The following SLC25A26 variants were observed in gnomAD, a reference collection of about 807,000 sequenced individuals.
SLC25A26 encodes mitochondrial S-adenosylmethionine carrier protein.
A neutral mutation model predicts 37.8 loss-of-function variants in SLC25A26; 36 were observed. That is an observed-to-expected ratio of 0.95 (90% confidence interval 0.73 to 1.26). The LOEUF (loss-of-function observed/expected upper bound fraction) is 1.26. Ranked by LOEUF, SLC25A26 falls within the 50% of genes most tolerant of loss-of-function variation. The pLI is 0.00. For missense variants in SLC25A26, 390 were observed against 331.1 expected (o/e 1.18, Z -1.38); for synonymous variants, 129 against 122.5 (o/e 1.05, Z -0.35).
At chr3:66,244,122 T>A (rs1416026325) in intron 3 of SLC25A26, among the ~76,000 whole-genome samples, 1 of 152,186 alleles carries the variant, frequency 6.6e-6, no homozygotes, top group Non-Finnish European at 1.5e-5. Flanking sequence ...GTCAAATCTC[T>A]ATAATCCTTA....
At chr3:66,272,685 C>G (rs957798176) in intron 5 of SLC25A26, among the ~76,000 whole-genome samples, 12 of 152,134 alleles carry the variant, frequency 7.9e-5, no homozygotes, top group African/African-American at 2.9e-4. Flanking sequence ...TTTGCATGCA[C>G]TGATGTTTGA....
At chr3:66,376,073 C>A (rs953672813) in intron 9 of SLC25A26, among the ~76,000 whole-genome samples, 4 of 148,990 alleles carry the variant, frequency 2.7e-5, no homozygotes, top group Non-Finnish European at 5.9e-5. Flanking sequence ...CTGGAAATGG[C>A]AAGACCACCG....
At chr3:66,205,658 T>C (rs2071166815) in intron 1 of SLC25A26, among the ~76,000 whole-genome samples, 1 of 152,240 alleles carries the variant, frequency 6.6e-6, no homozygotes, top group African/African-American at 2.4e-5. Context: ...GTTTGAAGTA[T>C]GAGAACTCAC....
intron 2 of SLC25A26, among the ~76,000 whole-genome samples, chr3:66,242,591 T>C (rs1036804625): frequency 1.3e-5 from 2 of 152,212 alleles, no homozygotes; most frequent in Non-Finnish European, 2.9e-5. Flanking sequence ...CATTTTTTGG[T>C]TAACAGTACA....
At chr3:66,288,866 G>A (rs2074605882) in intron 5 of SLC25A26, among the ~76,000 whole-genome samples, 1 of 152,110 alleles carries the variant, frequency 6.6e-6, no homozygotes, top group African/African-American at 2.4e-5. Context: ...TGGGTCAAAT[G>A]GTATTTCTGG....
At chr3:66,207,384 C>T (rs2071195472) in intron 1 of SLC25A26, among the ~76,000 whole-genome samples, 2 of 152,270 alleles carry the variant, frequency 1.3e-5, no homozygotes, top group South Asian at 2.1e-4. Flanking sequence ...TAACCATCCA[C>T]ATATATCTTA....
upstream of SLC25A26, among the ~76,000 whole-genome samples, chr3:66,217,648 A>G (rs1372950859): frequency 6.6e-6 from 1 of 151,904 alleles, no homozygotes; most frequent in Non-Finnish European, 1.5e-5. Context: ...GCTCGGGTTC[A>G]AGCGATTCTC....
At position 66,172,410 on chromosome 3, in the gene SLC25A26, GAAAAAAA is replaced by G. The variant is rs1199322248; in HGVS notation, c.-354+38440_-354+38446del. ...TGGGCCAGAGAGTGATACCTGTAAAGAAAAAAAAAAAAAAAAAAAAGGAAAAGAAAGA... is the reference window on the plus strand; with the variant it reads ...TGGGCCAGAGAGTGATACCTGTAAAGAAAAAAAAAAAAAGGAAAAGAAAGA... On this transcript the variant is annotated intron_variant, in intron 1 of 10. Transcript: ENST00000676754. Among the ~76,000 whole-genome samples the G allele has an allele frequency of 2.3e-4, 17 of 75,180 alleles. 1 individual carries two copies. Among genetic ancestry groups the G allele is most frequent in the East Asian group, 4.5e-4 (1 of 2,228 alleles). The allele number at this position is 75,180 out of a possible 152,430, so 49.3% of individuals were successfully genotyped here. A position where few individuals can be genotyped will look rare whatever the true frequency, so the allele number is the denominator to read the frequency against.
At chr3:66,189,077 G>T (rs1190310541) in intron 1 of SLC25A26, among the ~76,000 whole-genome samples, 3 of 152,050 alleles carry the variant, frequency 2.0e-5, no homozygotes, top group Admixed American at 2.0e-4. Flanking sequence ...CTGTGCCTGT[G>T]CCTCATCTTC....
At chr3:66,234,476 A>T (rs574533578) in intron 1 of SLC25A26, among the ~76,000 whole-genome samples, 1 of 152,246 alleles carries the variant, frequency 6.6e-6, no homozygotes, top group South Asian at 2.1e-4. Flanking sequence ...ACGTCTTCTT[A>T]GGTAATTTGC....
chr3:66,280,431 C>T (rs1434003451), intron 5 of SLC25A26, among the ~76,000 whole-genome samples: 1 of 152,112 alleles, frequency 6.6e-6, no homozygotes, highest in African/African-American at 2.4e-5. Context: ...TGTTCATCTA[C>T]CTTGTAAACC....
At chr3:66,317,981 C>G (rs1022089501) in intron 5 of SLC25A26, among the ~76,000 whole-genome samples, 2 of 152,186 alleles carry the variant, frequency 1.3e-5, no homozygotes, top group African/African-American at 4.8e-5. Flanking sequence ...GGAAAACAGC[C>G]AACTGGAGCT....
intron 3 of SLC25A26, among the ~76,000 whole-genome samples, chr3:66,248,348 C>G (rs2072939709): frequency 6.6e-6 from 1 of 152,110 alleles, no homozygotes. Flanking sequence ...ATTGCTGTGC[C>G]AAATCTCTAA....
At chr3:66,311,264 C>A (rs11128310) in intron 5 of SLC25A26, among the ~76,000 whole-genome samples, 25,674 of 151,794 alleles carry the variant, frequency 0.17, 3,292 homozygotes, top group East Asian at 0.68. Context: ...GATAGCCTTT[C>A]TTCTGCTTGA....
chr3:66,243,294 T>G lies in SLC25A26; in HGVS notation c.282T>G (p.Ala94=). 1.2e-6 allele frequency: 2 copies of G among 1,601,072 alleles called. No individual in the cohort carries two copies. The highest frequency in any genetic ancestry group is 1.7e-6 in the Non-Finnish European group (2 of 1,170,626). The change falls in exon 3 of 10, where the codon GCT becomes GCG. Residue 94 remains alanine, a synonymous_variant. Coordinates refer to ENST00000354883, the MANE Select transcript of SLC25A26 (RefSeq NM_001379210.1). The part of the protein sequence containing the change: ...SYLTPMKHML[A]ASAGEVVACL... ...TGACACCTATGAAACATATGTTGGCTGCCTCTGCTGGAGAAGTGGTAAGTA... is the reference window on the plus strand; with the variant it reads ...TGACACCTATGAAACATATGTTGGCGGCCTCTGCTGGAGAAGTGGTAAGTA...
chr3:66,362,739 A>G lies in SLC25A26; in HGVS notation c.499-121A>G, dbSNP rs887826297. 10 of 558,280 alleles carry G rather than the reference A, an allele frequency of 1.8e-5. No individual in the cohort carries two copies. In the Admixed American group the frequency reaches 3.3e-4, roughly 18 times the overall value. The allele number at this position is 558,280 out of a possible 1,614,324, so 34.6% of individuals were successfully genotyped here. ...CTTTGGGAAAGTCACTTATGTCATC[A>G]GTAAAGAATGCCACCAAAATAGCTT... On this transcript the variant is annotated intron_variant, in intron 6 of 9. Coordinates refer to ENST00000354883, the MANE Select transcript of SLC25A26 (RefSeq NM_001379210.1).
intron 1 of SLC25A26, among the ~76,000 whole-genome samples, chr3:66,166,130 C>T (rs971409486): frequency 2.0e-5 from 3 of 152,222 alleles, no homozygotes; most frequent in Non-Finnish European, 4.4e-5. Context: ...CCTTCAGTTT[C>T]TGCCAACGTG....
chr3:66,248,381 A>G (rs989224331), intron 3 of SLC25A26, among the ~76,000 whole-genome samples: 4 of 152,204 alleles, frequency 2.6e-5, no homozygotes, highest in African/African-American at 7.2e-5. Flanking sequence ...ATAATTTTCC[A>G]GCTCAGTTTT....
chr3:66,322,545 A>G (rs2075723765), intron 5 of SLC25A26, among the ~76,000 whole-genome samples: 1 of 152,204 alleles, frequency 6.6e-6, no homozygotes, highest in African/African-American at 2.4e-5. Context: ...GGCATTGAGT[A>G]TCTTGCCTTT....
Sources: gnomAD v4.1 joint callset for allele counts (sites outside exome capture counted in the v4.1 genomes callset) on GRCh38, gnomAD v4.1.1 for gene constraint, MANE v1.5 for transcripts, NCBI Gene and HGNC (gene_info 2026-07-23, HGNC 2026-07-21) for gene names.